Variants in USP35 observed in about 807,000 individuals in gnomAD.
The protein encoded by USP35 is ubiquitin carboxyl-terminal hydrolase 35.
Under a neutral mutation model 83.8 loss-of-function variants are expected in USP35, and 69 were observed. The observed-to-expected ratio is 0.82, with a 90% confidence interval of 0.68 to 1.01. The LOEUF is 1.01. Among genes scored for constraint, USP35 ranks in the 50% least tolerant of loss-of-function variants. USP35 has a pLI of 0.00. For missense variants in USP35, 1,503 were observed against 1,362.5 expected, an observed-to-expected ratio of 1.10 and a Z score of -1.62; for synonymous variants, 714 against 589.5, an observed-to-expected ratio of 1.21 and a Z score of -3.06.
At chr11:78,219,237 G>A, downstream of USP35, 1 of 1,604,334 alleles carries the variant, frequency 6.2e-7, no homozygotes, top group Non-Finnish European at 8.5e-7. Context: ...CAGCTCTGGA[G>A]ATGCTGCCTC....
rs755923450 is a variant in USP35, at chr11:78,196,870, G to T, written c.625G>T (p.Ala209Ser). Residue 209 changes from alanine to serine, a missense_variant, in exon 2 of 11, where the codon GCC (alanine) becomes TCC (serine). Ala to Ser is a moderately conservative substitution (Grantham distance 99). Coordinates refer to ENST00000529308, the MANE Select transcript of USP35 (RefSeq NM_020798.4). This position sits in a 1 kb window ranked among gnomAD's most constrained non-coding sequence, Gnocchi z 4.8. ...LAQLWRAQPA[A>S]ILPCLKELFA... The stretch of plus-strand genomic sequence containing the variant: ...GCAGCTGTGGCGCGCACAGCCCGCC[G>T]CCATCCTGCCCTGCCTCAAAGAGCT... 4.0e-6 allele frequency: 6 copies of T among 1,483,952 alleles called. No individual in the cohort carries two copies. In the Admixed American group the frequency reaches 1.2e-4, roughly 29 times the overall value. The allele number at this position is 1,483,952 out of a possible 1,614,324, so 91.9% of individuals were successfully genotyped here.
At chr11:78,218,956 G>A, downstream of USP35, 1 of 263,874 alleles carries the variant, frequency 3.8e-6, no homozygotes, top group Non-Finnish European at 7.2e-6. Context: ...CAAACATCTG[G>A]TAGAGAGTCA....
At position 78,209,548 on chromosome 11, in the gene USP35, T is replaced by C; in HGVS notation, c.1693T>C (p.Ser565Pro). ...GGAGCCCCCGGCCCCAAGTTCAACC[T>C]CTGTGGAAAAAATGTTTGGAGGCAA... Reference protein sequence around the residue: ...PEEPPAPSSTSVEKMFGGKIV... With the variant: ...PEEPPAPSSTPVEKMFGGKIV... Residue 565 changes from serine to proline, a missense_variant, in exon 10 of 11, where the codon TCT becomes CCT. Physicochemically the swap from Ser to Pro is moderately conservative, Grantham distance 74 (BLOSUM62 -1). Coordinates refer to ENST00000529308, the MANE Select transcript of USP35 (RefSeq NM_020798.4). The C allele has an allele frequency of 6.2e-7, 1 of 1,613,992 alleles. No individual in the cohort carries two copies. Among genetic ancestry groups the C allele is most frequent in the Non-Finnish European group, 8.5e-7 (1 of 1,179,968 alleles).
In USP35 at chr11:78,196,341, G is replaced by A. The variant is rs369232514; in HGVS notation, c.96G>A (p.Pro32=). The change falls in exon 2 of 11, where the codon CCG becomes CCA. Residue 32 remains proline (P), a synonymous_variant. Transcript: ENST00000529308. This position sits in a 1 kb window ranked among gnomAD's most constrained non-coding sequence, Gnocchi z 4.8. Reference sequence around the variant, plus strand: ...GCGTGCTGGAGGCGGCGCGGCAGCCGCTGGAGCGTGAGCAGTGCCTGGCGC... The same window carrying A: ...GCGTGCTGGAGGCGGCGCGGCAGCCACTGGAGCGTGAGCAGTGCCTGGCGC... The part of the protein sequence containing the change: ...VRRVLEAARQ[P]LEREQCLALL... The A allele has an allele frequency of 3.8e-6, 6 of 1,583,912 alleles. No individual in the cohort carries two copies. In the African/African-American group the frequency reaches 4.1e-5, roughly 11 times the overall value.
Position 78,196,398 on chromosome 11 carries a change from C to A in USP35, c.153C>A (p.Gly51=). 1 of 1,403,626 alleles carries A rather than the reference C, an allele frequency of 7.1e-7. No individual in the cohort carries two copies. Among genetic ancestry groups the A allele is most frequent in the Non-Finnish European group, 9.2e-7 (1 of 1,089,286 alleles). 86.9% of individuals were successfully genotyped at this position (1,403,626 alleles called of 1,614,324 possible). Residue 51 remains glycine (G), a synonymous_variant, in exon 2 of 11, where the codon GGC becomes GGA. Coordinates refer to ENST00000529308, the MANE Select transcript of USP35 (RefSeq NM_020798.4). The surrounding 1 kb of genome is among the most constrained non-coding windows in gnomAD (Gnocchi z 4.8). ...LLALGARLYV[G]GAEELPRRVG... is the part of the protein sequence containing the mutation. ...CGCTGGGCGCGCGCCTCTACGTGGGCGGCGCGGAGGAGCTGCCGCGCCGCG... is the reference window on the plus strand; with the variant it reads ...CGCTGGGCGCGCGCCTCTACGTGGGAGGCGCGGAGGAGCTGCCGCGCCGCG...
the USP35 span, among the ~76,000 whole-genome samples, chr11:78,229,670 A>G: frequency 1.3e-5 from 2 of 152,130 alleles, no homozygotes; most frequent in South Asian, 2.1e-4. Context: ...CACCGCCTCA[A>G]TGCTTCAGGA....
At chr11:78,207,244 C>CT (rs943038243) in intron 7 of USP35, 1 of 305,518 alleles carries the variant, frequency 3.3e-6, no homozygotes, top group Non-Finnish European at 6.2e-6. Context: ...ACGTTTGAAT[C>CT]TTTAAGTCCT....
chr11:78,226,633 A>C, the USP35 span: 1 of 1,613,816 alleles, frequency 6.2e-7, no homozygotes, highest in Non-Finnish European at 8.5e-7. Context: ...GCTATGGCTG[A>C]GTCCCCAGGA....
rs761976257 is a variant in USP35, at chr11:78,196,857, C to T, written c.612C>T (p.Arg204=). ...QVSGLLAQLW[R]AQPAAILPCL... ...GCGGGCTCCTGGCGCAGCTGTGGCG[C>T]GCACAGCCCGCCGCCATCCTGCCCT... The change falls in exon 2 of 11, where the codon CGC becomes CGT. Residue 204 remains arginine (R), a synonymous_variant. Coordinates refer to ENST00000529308, the MANE Select transcript of USP35 (RefSeq NM_020798.4). This position sits in a 1 kb window ranked among gnomAD's most constrained non-coding sequence, Gnocchi z 4.8. 28 of 1,499,388 alleles carry T rather than the reference C, an allele frequency of 1.9e-5. 1 individual carries two copies. Among genetic ancestry groups the T allele is most frequent in the South Asian group, 2.5e-5 (2 of 79,268 alleles). 92.9% of individuals were successfully genotyped at this position (1,499,388 alleles called of 1,614,324 possible). A position where few individuals can be genotyped will look rare whatever the true frequency, so the allele number is the denominator to read the frequency against.
intron 3 of USP35, chr11:78,198,861 T>A: frequency 4.6e-6 from 1 of 217,690 alleles, no homozygotes; most frequent in Non-Finnish European, 7.8e-6. Context: ...TTGTGAGGAT[T>A]AAATTGGGTA....
At position 78,209,640 on chromosome 11, in the gene USP35, C is replaced by G; in HGVS notation, c.1785C>G (p.Asp595Glu). Residue 595 changes from aspartate (D) to glutamate (E), a missense_variant, in exon 10 of 11, where the codon GAC becomes GAG. By Grantham distance (45) the Asp-to-Glu change is conservative. Transcript: ENST00000529308. ...NVSSREEAFTDLSLAFPPPER... is the reference protein window; with the variant it reads ...NVSSREEAFTELSLAFPPPER... The stretch of plus-strand genomic sequence containing the variant: ...CCTCCCGGGAGGAGGCCTTCACGGA[C>G]CTCTCTCTCGCCTTCCCTCCTCCTG... 6.2e-7 allele frequency: 1 copy of G among 1,614,126 alleles called. No individual in the cohort carries two copies. The highest frequency in any genetic ancestry group is 8.5e-7 in the Non-Finnish European group (1 of 1,179,992).
At position 78,210,206 on chromosome 11, in the gene USP35, C is replaced by A. The variant is rs563432173; in HGVS notation, c.2351C>A (p.Ser784Ter). 2.5e-6 allele frequency: 4 copies of A among 1,613,958 alleles called. No individual in the cohort carries two copies. The highest frequency in any genetic ancestry group is 1.1e-5 in the South Asian group (1 of 91,086). Reference protein sequence around the residue: ...LTAENRYYCESCASLQDAEKV... With the variant: ...LTAENRYYCE Reference sequence around the variant, plus strand: ...GCAGAAAACCGCTACTACTGCGAGTCGTGTGCCTCCCTGCAGGATGCCGAG... The same window carrying A: ...GCAGAAAACCGCTACTACTGCGAGTAGTGTGCCTCCCTGCAGGATGCCGAG... The change falls in exon 10 of 11, where the codon TCG becomes TAG. Residue 784 changes from serine (S) to a stop codon, truncating the protein, a stop_gained. Coordinates refer to ENST00000529308, the MANE Select transcript of USP35 (RefSeq NM_020798.4). LOFTEE classifies it high-confidence loss of function.
the USP35 span, among the ~76,000 whole-genome samples, chr11:78,228,767 C>G: frequency 4.7e-5 from 7 of 150,482 alleles, no homozygotes; most frequent in African/African-American, 1.7e-4. Context: ...ACCAAGCCAA[C>G]AGCCATGGGC....
the USP35 span, among the ~76,000 whole-genome samples, chr11:78,227,630 C>CAAA: frequency 1.2e-5 from 1 of 86,334 alleles, no homozygotes; most frequent in African/African-American, 6.1e-5. Context: ...TCCATTGCCA[C>CAAA]CAAAAAAAAA....
chr11:78,202,757 A>T (rs1203623000), intron 6 of USP35, among the ~76,000 whole-genome samples: 3 of 152,164 alleles, frequency 2.0e-5, no homozygotes, highest in Non-Finnish European at 4.4e-5. Flanking sequence ...GTGGAGGTGG[A>T]TGAGGAGGAC....
the USP35 span, chr11:78,225,199 G>C: frequency 3.7e-6 from 6 of 1,602,222 alleles, no homozygotes; most frequent in Non-Finnish European, 5.1e-6. Flanking sequence ...CTCACAGGAA[G>C]AAGCTGACAG....
intron 6 of USP35, among the ~76,000 whole-genome samples, chr11:78,203,069 T>C (rs1411371737): frequency 1.3e-5 from 2 of 151,970 alleles, no homozygotes; most frequent in Non-Finnish European, 2.9e-5. Context: ...CTTTGCACAG[T>C]AGGGGCCCAT....
At chr11:78,232,187 G>A in the USP35 span, among the ~76,000 whole-genome samples, 2 of 152,188 alleles carry the variant, frequency 1.3e-5, no homozygotes, top group Non-Finnish European at 2.9e-5. Flanking sequence ...GATTAATGAT[G>A]GGTAAGCTCT....
Position 78,210,085 on chromosome 11 carries a change from G to A in USP35, c.2230G>A (p.Ala744Thr), listed in dbSNP as rs1287925745. ...CCTGGGAGCGGGGACCCACCCGGAT[G>A]CTGCCATCCCCTCCGGGGAGCGGAC... The part of the protein sequence containing the change: ...DSLGAGTHPD[A>T]AIPSGERTCG... Residue 744 changes from alanine to threonine, a missense_variant, in exon 10 of 11, where the codon GCT becomes ACT. Transcript: ENST00000529308. The A allele has an allele frequency of 6.2e-7, 1 of 1,614,054 alleles. No individual in the cohort carries two copies. Among genetic ancestry groups the A allele is most frequent in the East Asian group, 2.2e-5 (1 of 44,882 alleles).
Sources: allele counts gnomAD v4.1 joint callset (sites outside exome capture counted in the v4.1 genomes callset), GRCh38; gene constraint gnomAD v4.1.1; non-coding constraint Gnocchi (gnomAD v3.1); transcripts MANE v1.5; gene names NCBI Gene and HGNC (gene_info 2026-07-23, HGNC 2026-07-21).